Variants in KSR2 observed in about 807,000 individuals in gnomAD.
KSR2 encodes the protein kinase suppressor of ras 2.
A neutral mutation model predicts 107.8 loss-of-function variants in KSR2; 25 were observed. The ratio of observed to expected loss-of-function variants is 0.23; its 90% CI spans 0.17 to 0.32. The LOEUF (loss-of-function observed/expected upper bound fraction) is 0.32, where lower values mean the gene tolerates loss of function less well. KSR2 is among the 10% of genes least tolerant of loss of function. KSR2 has a pLI of 1.00. For missense variants in KSR2, 887 were observed against 1,268.9 expected (o/e 0.70, Z 4.57); for synonymous variants, 480 against 507.0 (o/e 0.95, Z 0.71).
chr12:117,772,162 G>A (rs1257032243), intron 3 of KSR2, among the ~76,000 whole-genome samples: 7 of 116,628 alleles, frequency 6.0e-5, no homozygotes, highest in Admixed American at 9.7e-5. Flanking sequence ...CCCCAAAGAC[G>A]CACATACACA....
In KSR2 at chr12:117,530,924, GTC is replaced by G. The variant is rs1565886573; in HGVS notation, c.1802+15_1802+16del. 1 of 1,611,638 alleles carries G rather than the reference GTC, an allele frequency of 6.2e-7. No individual in the cohort carries two copies. ...GGGAAGCTTGGGAAAGGGGGAAGATGTCTCTGTCTCACTTACATTGGATTCGA... is the reference window on the plus strand; with the variant it reads ...GGGAAGCTTGGGAAAGGGGGAAGATGTCTGTCTCACTTACATTGGATTCGA... On this transcript the variant is annotated intron_variant, in intron 12 of 19. Coordinates refer to ENST00000339824, the MANE Select transcript of KSR2 (RefSeq NM_173598.6).
chr12:117,882,338 C>T (rs1042585068), intron 1 of KSR2, among the ~76,000 whole-genome samples: 3 of 152,018 alleles, frequency 2.0e-5, no homozygotes, highest in Non-Finnish European at 4.4e-5. Context: ...TCCAAATTGC[C>T]GTTCAACTAC....
At chr12:117,747,765 C>T (rs183728837) in intron 4 of KSR2, among the ~76,000 whole-genome samples, 1 of 152,076 alleles carries the variant, frequency 6.6e-6, no homozygotes, top group Non-Finnish European at 1.5e-5. Flanking sequence ...TCACTTCATA[C>T]CTGTCAAGAA....
Position 117,845,803 on chromosome 12 carries a change from C to T in KSR2, c.472+9625G>A, listed in dbSNP as rs575095956. Reference sequence around the variant, plus strand: ...TCAGGTGATTCTCCCACCTCAGCCTCCTCAGTAGCTGGGATTACAGGCACA... The same window carrying T: ...TCAGGTGATTCTCCCACCTCAGCCTTCTCAGTAGCTGGGATTACAGGCACA... On this transcript the variant is annotated intron_variant, in intron 3 of 19. Coordinates refer to ENST00000339824, the MANE Select transcript of KSR2 (RefSeq NM_173598.6). Among the ~76,000 whole-genome samples the T allele has an allele frequency of 3.3e-5, 5 of 152,070 alleles. No homozygotes were observed. In the East Asian group the frequency reaches 9.7e-4, roughly 29 times the overall value.
intron 14 of KSR2, among the ~76,000 whole-genome samples, chr12:117,489,681 T>C (rs997198692): frequency 6.6e-6 from 1 of 152,026 alleles, no homozygotes; most frequent in African/African-American, 2.4e-5. Context: ...CTTTACCCAG[T>C]GAAGAGTATT....
chr12:117,482,716 AG>A (rs1872244783), intron 16 of KSR2, among the ~76,000 whole-genome samples: 1 of 152,230 alleles, frequency 6.6e-6, no homozygotes, highest in South Asian at 2.1e-4. Context: ...TTGTGGCTTC[AG>A]AAAACTGAGT....
chr12:117,882,256 A>G (rs748337478), intron 1 of KSR2, among the ~76,000 whole-genome samples: 2 of 152,182 alleles, frequency 1.3e-5, no homozygotes, highest in Non-Finnish European at 2.9e-5. Flanking sequence ...TCTGGGAAAG[A>G]CAATCTGAGA....
At chr12:117,676,944 C>A (rs1289310656) in intron 4 of KSR2, among the ~76,000 whole-genome samples, 3 of 152,136 alleles carry the variant, frequency 2.0e-5, no homozygotes, top group Admixed American at 6.5e-5. Context: ...TCATAGTGTA[C>A]AAATGCTATG....
intron 4 of KSR2, among the ~76,000 whole-genome samples, chr12:117,711,361 G>A (rs1032701447): frequency 3.3e-5 from 5 of 152,248 alleles, no homozygotes; most frequent in Non-Finnish European, 7.3e-5. Flanking sequence ...GAGAAGACAT[G>A]TGCAAAGGCC....
At chr12:117,902,683 C>G (rs779850023) in intron 1 of KSR2, among the ~76,000 whole-genome samples, 41 of 151,758 alleles carry the variant, frequency 2.7e-4, no homozygotes, top group Non-Finnish European at 5.3e-4. Context: ...CCATGGCACG[C>G]GTATACCTAT....
intron 1 of KSR2, among the ~76,000 whole-genome samples, chr12:117,929,181 T>C (rs998399887): frequency 6.6e-6 from 1 of 152,124 alleles, no homozygotes; most frequent in Non-Finnish European, 1.5e-5. Flanking sequence ...TACTCTAGGA[T>C]TTGAAAGCAG....
At chr12:117,468,855 C>CTG (rs1449771636) in intron 19 of KSR2, among the ~76,000 whole-genome samples, 2 of 152,192 alleles carry the variant, frequency 1.3e-5, no homozygotes, top group African/African-American at 4.8e-5. Context: ...CTGAGTGCAG[C>CTG]TGTGTGTGAA....
chr12:117,799,830 G>A (rs899853843), intron 3 of KSR2, among the ~76,000 whole-genome samples: 1 of 152,192 alleles, frequency 6.6e-6, no homozygotes, highest in Non-Finnish European at 1.5e-5. Flanking sequence ...AGTGATGATT[G>A]TTGAGACTCT....
chr12:117,669,704 T>C (rs982525474), intron 4 of KSR2, among the ~76,000 whole-genome samples: 3 of 151,746 alleles, frequency 2.0e-5, no homozygotes, highest in South Asian at 2.1e-4. Context: ...CCTGTCTCCA[T>C]AGAAAATTAA....
chr12:117,641,453 G>C (rs1375385532), intron 5 of KSR2, among the ~76,000 whole-genome samples: 1 of 152,114 alleles, frequency 6.6e-6, no homozygotes, highest in Non-Finnish European at 1.5e-5. Flanking sequence ...CTAGTTTCTG[G>C]TAGCTGTCCT....
rs181288400 is a variant in KSR2, at chr12:117,609,196, G to T, written c.1172-26837C>A. Among the ~76,000 whole-genome samples, 37 of 152,126 alleles carry T rather than the reference G, an allele frequency of 2.4e-4. 1 individual carries two copies. Among genetic ancestry groups the T allele is most frequent in the Admixed American group, 2.4e-3 (36 of 15,282 alleles). The stretch of plus-strand genomic sequence containing the variant: ...CAAATCCCAGCTCAGCCACTTTGTT[G>T]CTGAGAGATATTGAGCAAATTATTT... On this transcript the variant is annotated intron_variant, in intron 5 of 19. Transcript: ENST00000339824.
intron 14 of KSR2, chr12:117,517,713 C>T: frequency 2.4e-6 from 1 of 409,372 alleles, no homozygotes; most frequent in South Asian, 1.8e-5. Flanking sequence ...AAAACCTTTT[C>T]AGCTGTGCTT....
chr12:117,542,852 T>A (rs564730867), intron 9 of KSR2, among the ~76,000 whole-genome samples: 1 of 152,258 alleles, frequency 6.6e-6, no homozygotes, highest in African/African-American at 2.4e-5. Flanking sequence ...TCATACAGTA[T>A]GTAACCTTTT....
intron 12 of KSR2, among the ~76,000 whole-genome samples, chr12:117,527,522 C>T (rs911518304): frequency 4.6e-5 from 7 of 152,282 alleles, no homozygotes; most frequent in African/African-American, 1.4e-4. Flanking sequence ...ATATGTTTGC[C>T]AGGAAAGAAT....
Sources: allele counts gnomAD v4.1 joint callset (sites outside exome capture counted in the v4.1 genomes callset), GRCh38; gene constraint gnomAD v4.1.1; transcripts MANE v1.5; gene names NCBI Gene and HGNC (gene_info 2026-07-23, HGNC 2026-07-21).